RSF1: variants seen among roughly 807,000 people sequenced by gnomAD.
The protein encoded by RSF1 is remodeling and spacing factor 1, also known as HBV pX-associated protein 8.
Under a neutral mutation model 145.2 loss-of-function variants are expected in RSF1, and 13 were observed. The observed-to-expected ratio is 0.09, with a 90% CI of 0.06 to 0.14. RSF1 has a LOEUF of 0.14. RSF1 is among the 10% of genes least tolerant of loss of function. RSF1 has a pLI of 1.00. For synonymous variants in RSF1, 577 were observed against 592.6 expected, an observed-to-expected ratio of 0.97 and a Z score of 0.38; for missense variants, 1,517 against 1,718.2, an observed-to-expected ratio of 0.88 and a Z score of 2.07.
intron 1 of RSF1, among the ~76,000 whole-genome samples, chr11:77,788,982 G>A (rs1948489005): frequency 6.6e-6 from 1 of 151,862 alleles, no homozygotes. Context: ...GACCAGCCTG[G>A]GTCAAAAAGC....
In RSF1 at chr11:77,691,090, T is replaced by TTATCC. The variant is rs1960139543; in HGVS notation, c.2900+64_2900+68dup. 4 of 1,415,528 alleles carry TTATCC rather than the reference T, an allele frequency of 2.8e-6. No homozygotes were observed. In the South Asian group the frequency reaches 4.6e-5, roughly 16 times the overall value. The allele number at this position is 1,415,528 out of a possible 1,614,324, so 87.7% of individuals were successfully genotyped here. On this transcript the variant is annotated intron_variant, in intron 9 of 15. Transcript: ENST00000308488. ...CAATCCTTGTTTTAGATGGATCCAT[T>TTATCC]TATCCATACAGTGAGACAATTCTGC... is the stretch of plus-strand genomic sequence containing the variant.
At chr11:77,859,095 G>A in the RSF1 span, among the ~76,000 whole-genome samples, 1 of 152,190 alleles carries the variant, frequency 6.6e-6, no homozygotes, top group South Asian at 2.1e-4. Flanking sequence ...CCATTGGTTA[G>A]CTGCAGGCAA....
intron 1 of RSF1, among the ~76,000 whole-genome samples, chr11:77,769,341 A>T (rs1948259057): frequency 6.6e-6 from 1 of 152,244 alleles, no homozygotes; most frequent in African/African-American, 2.4e-5. Context: ...ATCACCTGCA[A>T]GATTTCTAAA....
chr11:77,831,907 A>G, the RSF1 span: 2 of 125,064 alleles, frequency 1.6e-5, no homozygotes, highest in African/African-American at 6.4e-5. Context: ...ATGAGGTTTC[A>G]CCATGTTGGC....
chr11:77,781,994 T>C (rs981717295), intron 1 of RSF1, among the ~76,000 whole-genome samples: 2 of 152,250 alleles, frequency 1.3e-5, no homozygotes, highest in Non-Finnish European at 2.9e-5. Flanking sequence ...TATAGTAATA[T>C]AGCTGTCTCA....
intron 13 of RSF1, 66 bp from the exon 14 acceptor site, chr11:77,675,322 T>G (rs904061222): frequency 3.1e-6 from 4 of 1,304,610 alleles, no homozygotes; most frequent in Non-Finnish European, 4.2e-6. Flanking sequence ...TTAAGAGTTC[T>G]GAGTTCAAAT....
At position 77,702,298 on chromosome 11, in the gene RSF1, C is replaced by T; in HGVS notation, c.931G>A (p.Glu311Lys). 6.2e-7 allele frequency: 1 copy of T among 1,609,806 alleles called. No individual in the cohort carries two copies. The highest frequency in any genetic ancestry group is 1.7e-4 in the Middle Eastern group (1 of 6,044). ...ACATTTTCCTTGAAGGAATCACTTT[C>T]TTCTTTGATAATCTTTTTTTCTTCA... ...ENEEKKIIKE[E>K]SDSFKENVKP... Residue 311 changes from glutamate to lysine, a missense_variant, in exon 6 of 16, where the codon GAA becomes AAA. Physicochemically the swap from Glu to Lys is moderately conservative, Grantham distance 56. Around this residue, in one of 12 missense-constraint regions of RSF1, gnomAD observed 207 missense variants for 191.4 expected, o/e 1.08. Coordinates refer to ENST00000308488, the MANE Select transcript of RSF1 (RefSeq NM_016578.4).
In RSF1 at chr11:77,701,765, C is replaced by A; in HGVS notation, c.1464G>T (p.Glu488Asp). 1 of 1,613,874 alleles carries A rather than the reference C, an allele frequency of 6.2e-7. No homozygotes were observed. The highest frequency in any genetic ancestry group is 8.5e-7 in the Non-Finnish European group (1 of 1,179,972). The change falls in exon 6 of 16, where the codon GAG becomes GAT. Residue 488 changes from glutamate to aspartate, a missense_variant. By Grantham distance (45) the Glu-to-Asp change is conservative (BLOSUM62 2). Around this residue, in one of 12 missense-constraint regions of RSF1, gnomAD observed 579 missense variants for 553.5 expected, o/e 1.05. Coordinates refer to ENST00000308488, the MANE Select transcript of RSF1 (RefSeq NM_016578.4). ...TACTTGTTATGACAGAATTTAAGGA[C>A]TCTGTTCCATTTCCCTCCGTGATGA... ...RNIITEGNGT[E>D]SLNSVITSMK... is the part of the protein sequence containing the mutation.
the RSF1 span, among the ~76,000 whole-genome samples, chr11:77,842,979 T>C: frequency 5.3e-5 from 8 of 152,346 alleles, no homozygotes; most frequent in East Asian, 9.6e-4. Flanking sequence ...TCTGTTGTTA[T>C]AGATATGCCT....
chr11:77,835,816 G>A, the RSF1 span, among the ~76,000 whole-genome samples: 140 of 152,242 alleles, frequency 9.2e-4, 6 homozygotes, highest in South Asian at 0.028. Flanking sequence ...AGCTACAAGG[G>A]TGGCTGAGGC....
intron 1 of RSF1, among the ~76,000 whole-genome samples, chr11:77,788,165 A>AAAAAAAAAAAAAAG (rs1948478128): frequency 7.3e-6 from 1 of 137,654 alleles, no homozygotes; most frequent in African/African-American, 2.6e-5. Flanking sequence ...AAAAAAAAAA[A>AAAAAAAAAAAAAAG]AAAAAAAAAA....
At chr11:77,813,597 C>T (rs1231781321) in intron 1 of RSF1, 3 of 651,122 alleles carry the variant, frequency 4.6e-6, no homozygotes, top group South Asian at 3.2e-5. Flanking sequence ...TTTTATGTTG[C>T]GGCTCGTTAG....
intron 1 of RSF1, among the ~76,000 whole-genome samples, chr11:77,768,025 T>C (rs995092928): frequency 2.0e-5 from 3 of 152,168 alleles, no homozygotes; most frequent in Non-Finnish European, 4.4e-5. Context: ...CACTGTGCAA[T>C]AGAAATGTAA....
At chr11:77,734,406 C>A in intron 4 of RSF1, 2 of 1,051,700 alleles carry the variant, frequency 1.9e-6, no homozygotes, top group Non-Finnish European at 2.9e-6. Context: ...TAAAGGAAAC[C>A]CCAACATGCA....
At chr11:77,859,585 T>A in the RSF1 span, among the ~76,000 whole-genome samples, 2 of 152,222 alleles carry the variant, frequency 1.3e-5, no homozygotes, top group Admixed American at 6.5e-5. Context: ...AGCTGAGCAC[T>A]AGTTCCTGGA....
intron 9 of RSF1, among the ~76,000 whole-genome samples, chr11:77,686,694 A>T (rs1445903749): frequency 1.3e-5 from 2 of 150,600 alleles, no homozygotes; most frequent in African/African-American, 5.0e-5. Context: ...TTTAAAAATC[A>T]TTCAGTGGAC....
chr11:77,733,171 A>G (rs1386213032), intron 4 of RSF1, among the ~76,000 whole-genome samples: 1 of 152,152 alleles, frequency 6.6e-6, no homozygotes, highest in Non-Finnish European at 1.5e-5. Flanking sequence ...TGGTTGTATC[A>G]TTTTACATAT....
At chr11:77,840,679 G>C in the RSF1 span, among the ~76,000 whole-genome samples, 1 of 152,280 alleles carries the variant, frequency 6.6e-6, no homozygotes, top group East Asian at 1.9e-4. Flanking sequence ...AATGTGCTGG[G>C]ATTACAGGCA....
At chr11:77,667,578 T>A in intron 15 of RSF1, 87 bp from the exon 16 acceptor site, 1 of 1,213,854 alleles carries the variant, frequency 8.2e-7, no homozygotes, top group Non-Finnish European at 1.2e-6. Context: ...TCACCCCACG[T>A]CCTGCTTTCA....
Sources: gnomAD v4.1 joint callset for allele counts (sites outside exome capture counted in the v4.1 genomes callset) on GRCh38, gnomAD v4.1.1 for gene constraint, gnomAD v4.1.1 regional missense constraint, MANE v1.5 for transcripts, NCBI Gene and HGNC (gene_info 2026-07-23, HGNC 2026-07-21) for gene names.